The following CWC27 variants were observed in gnomAD, a reference collection of about 807,000 sequenced individuals.
CWC27 encodes spliceosome-associated protein CWC27 homolog.
CWC27 carries 47 observed loss-of-function variants against 63.6 expected under a neutral mutation model. That is an observed-to-expected ratio of 0.74 (90% CI 0.58 to 0.94). The LOEUF (loss-of-function observed/expected upper bound fraction) is 0.94. CWC27 is among the 40% of genes least tolerant of loss of function. The pLI, the probability that CWC27 is intolerant of heterozygous loss-of-function variation, is 0.00. For synonymous variants in CWC27, 175 were observed against 179.8 expected (o/e 0.97, Z 0.22); for missense variants, 495 against 554.3 (o/e 0.89, Z 1.07).
At chr5:64,773,016 T>C (rs1743322628) in intron 1 of CWC27, among the ~76,000 whole-genome samples, 1 of 151,976 alleles carries the variant, frequency 6.6e-6, no homozygotes, top group Non-Finnish European at 1.5e-5. Context: ...TAGACCATAG[T>C]ATTTAGATTA....
intron 13 of CWC27, among the ~76,000 whole-genome samples, chr5:65,012,828 C>T (rs1198011230): frequency 1.3e-5 from 2 of 152,182 alleles, no homozygotes; most frequent in Admixed American, 6.5e-5. Context: ...AGCATAAAAG[C>T]TCTTAAGCTT....
rs185223022 is a variant in CWC27, at chr5:64,865,781, G to A, written c.939-19662G>A. Among the ~76,000 whole-genome samples the A allele has an allele frequency of 4.4e-3, 666 of 152,084 alleles. 2 individuals are homozygous for A. The highest frequency in any genetic ancestry group is 0.014 in the African/African-American group (576 of 41,518). Reference sequence around the variant, plus strand: ...CAACAAATGAGCAAAGAAGAGTCACGTTGGGCATATTTTTCAGGATGTGAT... The same window carrying A: ...CAACAAATGAGCAAAGAAGAGTCACATTGGGCATATTTTTCAGGATGTGAT... On this transcript the variant is annotated intron_variant, in intron 10 of 13. Transcript: ENST00000381070.
At chr5:64,772,018 T>C (rs1743274686) in intron 1 of CWC27, among the ~76,000 whole-genome samples, 1 of 152,244 alleles carries the variant, frequency 6.6e-6, no homozygotes, top group Non-Finnish European at 1.5e-5. Context: ...ACAGCTCATT[T>C]TGTCCTCACA....
chr5:64,822,613 G>A (rs570705830), intron 10 of CWC27, among the ~76,000 whole-genome samples: 6 of 152,242 alleles, frequency 3.9e-5, no homozygotes, highest in African/African-American at 1.4e-4. Context: ...GAAAAGATAG[G>A]TTGGAACCAG....
chr5:64,871,855 T>G (rs768688517), intron 10 of CWC27, among the ~76,000 whole-genome samples: 6 of 152,002 alleles, frequency 3.9e-5, no homozygotes, highest in Non-Finnish European at 7.4e-5. Context: ...TAAGGTCAGG[T>G]GAGCAAAAGC....
At chr5:64,998,537 A>G (rs1193184177) in intron 13 of CWC27, among the ~76,000 whole-genome samples, 1 of 152,144 alleles carries the variant, frequency 6.6e-6, no homozygotes, top group Admixed American at 6.5e-5. Flanking sequence ...ACAATACTAA[A>G]TATTTACAGA....
At chr5:64,944,860 C>T (rs973871986) in intron 11 of CWC27, among the ~76,000 whole-genome samples, 2 of 152,066 alleles carry the variant, frequency 1.3e-5, no homozygotes, top group African/African-American at 4.8e-5. Flanking sequence ...CAGATCTTGT[C>T]ACTCTTTTTT....
intron 10 of CWC27, among the ~76,000 whole-genome samples, chr5:64,840,374 AAAAAAAAAAAAAAAAAAAAAATATAT>A (rs1201664950): frequency 1.5e-4 from 8 of 54,728 alleles, no homozygotes; most frequent in African/African-American, 6.5e-4. Context: ...AAAAAAAAAA[AAAAAAAAAAAAAAAAAAAAAATATAT>A]ATATATATAT....
chr5:64,988,713 C>A (rs572180728), intron 13 of CWC27, among the ~76,000 whole-genome samples: 283 of 151,648 alleles, frequency 1.9e-3, no homozygotes, highest in African/African-American at 6.5e-3. Flanking sequence ...AAGAGACTCT[C>A]TTGCCTCAGG....
chr5:64,783,136 C>T (rs1037613066), intron 3 of CWC27, among the ~76,000 whole-genome samples: 20 of 152,112 alleles, frequency 1.3e-4, no homozygotes, highest in African/African-American at 4.8e-4. Flanking sequence ...AAAATATCTT[C>T]CTTTGTGAAA....
intron 10 of CWC27, among the ~76,000 whole-genome samples, chr5:64,876,897 A>C (rs1489283121): frequency 6.6e-6 from 1 of 152,078 alleles, no homozygotes; most frequent in Non-Finnish European, 1.5e-5. Flanking sequence ...ACAGTTAAAA[A>C]ATAATTGCAG....
chr5:64,769,099 G>A lies in CWC27; in HGVS notation c.-48G>A, dbSNP rs759935061. 5.1e-6 allele frequency: 8 copies of A among 1,570,358 alleles called. No homozygotes were observed. Among genetic ancestry groups the A allele is most frequent in the Admixed American group, 1.7e-5 (1 of 59,822 alleles). On this transcript the variant is annotated 5_prime_UTR_variant, in exon 1 of 14. Coordinates refer to ENST00000381070, the MANE Select transcript of CWC27 (RefSeq NM_005869.4). Reference sequence around the variant, plus strand: ...AGGCGGACAGCTTTAGTGGCCGGCCGGCCGCTCTCATCCCCCGTAAGGAGC... The same window carrying A: ...AGGCGGACAGCTTTAGTGGCCGGCCAGCCGCTCTCATCCCCCGTAAGGAGC...
At chr5:64,942,759 G>C (rs544294066) in intron 11 of CWC27, among the ~76,000 whole-genome samples, 4 of 152,288 alleles carry the variant, frequency 2.6e-5, no homozygotes, top group African/African-American at 9.6e-5. Context: ...CGTTACTGTA[G>C]ACTAAATAAT....
rs927404477 is a variant in CWC27 at position 65,018,464 on chromosome 5, GT to G, written c.*147del. On this transcript the variant is annotated 3_prime_UTR_variant, in exon 14 of 14. Transcript: ENST00000381070. ...TCTGGTTTTGAAAAACAATTATCTT[GT>G]TTTGCAAATTGTGGAATGATGTAAG... 34 of 709,710 alleles carry G rather than the reference GT, an allele frequency of 4.8e-5. No individual in the cohort carries two copies. The African/African-American group carries it at 6.2e-4, about 13-fold the overall frequency. 44.0% of individuals were successfully genotyped at this position (709,710 alleles called of 1,614,324 possible).
intron 13 of CWC27, among the ~76,000 whole-genome samples, chr5:64,982,483 C>T (rs530510731): frequency 1.3e-5 from 2 of 151,780 alleles, no homozygotes; most frequent in Admixed American, 1.3e-4. Flanking sequence ...CCACCATACT[C>T]GGCTAATTTT....
intron 11 of CWC27, among the ~76,000 whole-genome samples, chr5:64,948,893 A>G (rs914754955): frequency 6.6e-6 from 1 of 152,026 alleles, no homozygotes; most frequent in Non-Finnish European, 1.5e-5. Context: ...TCTCTGTAAC[A>G]TGAGTTTAAT....
intron 13 of CWC27, among the ~76,000 whole-genome samples, chr5:65,002,288 G>A (rs891647209): frequency 1.3e-5 from 2 of 151,756 alleles, no homozygotes; most frequent in Non-Finnish European, 2.9e-5. Flanking sequence ...TACTTGTATT[G>A]TTTGTAGTCT....
chr5:64,907,191 C>T (rs62370961), intron 11 of CWC27, among the ~76,000 whole-genome samples: 4 of 152,078 alleles, frequency 2.6e-5, no homozygotes, highest in African/African-American at 7.2e-5. Flanking sequence ...TAGTTTTTTC[C>T]AATTCTTTGA....
intron 10 of CWC27, among the ~76,000 whole-genome samples, chr5:64,868,849 C>T (rs1580689546): frequency 6.6e-6 from 1 of 152,076 alleles, no homozygotes; most frequent in Non-Finnish European, 1.5e-5. Flanking sequence ...GAAGCGTTGC[C>T]TCATTGCCTT....
Sources: gnomAD v4.1 joint callset for allele counts (sites outside exome capture counted in the v4.1 genomes callset) on GRCh38, gnomAD v4.1.1 for gene constraint, MANE v1.5 for transcripts, NCBI Gene and HGNC (gene_info 2026-07-23, HGNC 2026-07-21) for gene names.